Variants in NTM observed in about 807,000 individuals in gnomAD.
NTM encodes the protein neurotrimin.
A neutral mutation model predicts 42.1 loss-of-function variants in NTM; 13 were observed. The ratio of observed to expected loss-of-function variants is 0.31; its 90% CI spans 0.20 to 0.49. NTM has a LOEUF of 0.49. Among genes scored for constraint, NTM ranks in the 20% least tolerant of loss-of-function variants. The pLI is 0.99. For synonymous variants in NTM, 187 were observed against 179.2 expected (o/e 1.04, Z -0.35); for missense variants, 373 against 452.8 (o/e 0.82, Z 1.60).
chr11:131,984,013 C>G (rs146093520), intron 2 of NTM, among the ~76,000 whole-genome samples: 1 of 152,078 alleles, frequency 6.6e-6, no homozygotes, highest in African/African-American at 2.4e-5. Context: ...GCCTGTAGAG[C>G]CAAAGAAAAG....
chr11:132,236,785 C>T (rs3099789), intron 4 of NTM, among the ~76,000 whole-genome samples: 70,000 of 152,046 alleles, frequency 0.46, 16,454 homozygotes, highest in Middle Eastern at 0.65. Flanking sequence ...TCTAATCTCC[C>T]GGCATGGAGA....
chr11:131,980,788 G>A (rs548164565), intron 2 of NTM, among the ~76,000 whole-genome samples: 1 of 152,280 alleles, frequency 6.6e-6, no homozygotes, highest in African/African-American at 2.4e-5. Flanking sequence ...GTACAATCCG[G>A]AGTGACCAAT....
intron 1 of NTM, among the ~76,000 whole-genome samples, chr11:131,863,324 C>G (rs1369392559): frequency 6.6e-6 from 1 of 152,172 alleles, no homozygotes; most frequent in Non-Finnish European, 1.5e-5. Flanking sequence ...GTTGATGTTT[C>G]CCATTCCATT....
chr11:131,683,482 C>T (rs975400055), intron 1 of NTM, among the ~76,000 whole-genome samples: 6 of 152,162 alleles, frequency 3.9e-5, no homozygotes, highest in Non-Finnish European at 8.8e-5. Context: ...GCCTTAGGAG[C>T]TGAGAGTGGA....
intron 1 of NTM, among the ~76,000 whole-genome samples, chr11:131,570,909 G>C (rs1592085279): frequency 6.6e-6 from 1 of 152,338 alleles, no homozygotes; most frequent in African/African-American, 2.4e-5. Flanking sequence ...ACTCAGAAAG[G>C]AACAAGAATC....
intron 1 of NTM, among the ~76,000 whole-genome samples, chr11:131,580,898 C>T (rs555146455): frequency 3.9e-5 from 6 of 152,224 alleles, no homozygotes; most frequent in East Asian, 1.9e-4. Flanking sequence ...CAGGGGAAGT[C>T]GCAAAAGTTC....
intron 3 of NTM, among the ~76,000 whole-genome samples, chr11:132,150,171 C>T (rs1201504278): frequency 3.3e-5 from 5 of 152,074 alleles, no homozygotes; most frequent in African/African-American, 1.2e-4. Flanking sequence ...AGAGAAAAAG[C>T]CAGAGACAGC....
intron 1 of NTM, chr11:131,537,842 A>G (rs1358848973): frequency 6.6e-6 from 1 of 152,320 alleles, no homozygotes; most frequent in African/African-American, 2.4e-5. Context: ...CTCCCTGGAG[A>G]AGGAACACAC....
chr11:131,407,776 TC>T (rs1945959569), intron 1 of NTM, among the ~76,000 whole-genome samples: 1 of 152,184 alleles, frequency 6.6e-6, no homozygotes, highest in Admixed American at 6.5e-5. Context: ...CAGGGCTGGC[TC>T]CCGGGCAGGG....
intron 3 of NTM, among the ~76,000 whole-genome samples, chr11:132,173,127 C>G (rs2076332077): frequency 6.6e-6 from 1 of 152,188 alleles, no homozygotes; most frequent in Non-Finnish European, 1.5e-5. Context: ...GAAATAACAC[C>G]ATGTCAATCC....
At chr11:132,132,006 C>G (rs1384906432) in intron 2 of NTM, among the ~76,000 whole-genome samples, 1 of 152,204 alleles carries the variant, frequency 6.6e-6, no homozygotes, top group Admixed American at 6.5e-5. Context: ...AGAGCATCAT[C>G]AAAGGCACCA....
At chr11:131,934,966 C>T (rs115780682) in intron 2 of NTM, among the ~76,000 whole-genome samples, 320 of 152,232 alleles carry the variant, frequency 2.1e-3, no homozygotes, top group East Asian at 8.7e-3. Flanking sequence ...GACAACAGGA[C>T]GCTGCTGCCT....
At chr11:132,042,312 A>G (rs2077311050) in intron 2 of NTM, among the ~76,000 whole-genome samples, 1 of 152,182 alleles carries the variant, frequency 6.6e-6, no homozygotes, top group Non-Finnish European at 1.5e-5. Context: ...TTTCTAGAGC[A>G]GCTATGGCTA....
intron 1 of NTM, among the ~76,000 whole-genome samples, chr11:131,894,238 A>G (rs376453179): frequency 2.6e-5 from 4 of 152,204 alleles, no homozygotes; most frequent in African/African-American, 9.6e-5. Context: ...CGAGCCAGTT[A>G]CTCTGCTGTC....
At chr11:132,108,307 A>T (rs963645707) in intron 2 of NTM, among the ~76,000 whole-genome samples, 5 of 152,150 alleles carry the variant, frequency 3.3e-5, no homozygotes, top group Admixed American at 2.0e-4. Context: ...TGTTATCTTG[A>T]CTTTCCCTTG....
At chr11:131,933,478 T>A (rs567755275) in intron 2 of NTM, among the ~76,000 whole-genome samples, 1 of 152,286 alleles carries the variant, frequency 6.6e-6, no homozygotes. Context: ...TTATCTAGGT[T>A]AAAGGTACGA....
At chr11:131,707,840 T>A (rs1324790643) in intron 1 of NTM, among the ~76,000 whole-genome samples, 1 of 152,134 alleles carries the variant, frequency 6.6e-6, no homozygotes, top group Non-Finnish European at 1.5e-5. Flanking sequence ...CTGAAAACTT[T>A]TCCTCTAAGG....
intron 1 of NTM, among the ~76,000 whole-genome samples, chr11:131,552,271 C>T (rs1372141527): frequency 6.6e-6 from 1 of 152,178 alleles, no homozygotes; most frequent in East Asian, 1.9e-4. Context: ...GTATCACGCA[C>T]GGCTGGAGAT....
chr11:131,558,158 TG>T (rs1405891569), intron 1 of NTM, among the ~76,000 whole-genome samples: 6 of 152,144 alleles, frequency 3.9e-5, no homozygotes, highest in African/African-American at 1.4e-4. Flanking sequence ...GAGGTTGATG[TG>T]GGCCTGTACT....
Sources: allele counts gnomAD v4.1 joint callset (sites outside exome capture counted in the v4.1 genomes callset), GRCh38; gene constraint gnomAD v4.1.1; transcripts MANE v1.5; gene names NCBI Gene and HGNC (gene_info 2026-07-23, HGNC 2026-07-21).